Variants in PDE7A observed in about 807,000 individuals in gnomAD.
PDE7A encodes high affinity 3',5'-cyclic-AMP phosphodiesterase 7A.
A neutral mutation model predicts 64.3 loss-of-function variants in PDE7A; 39 were observed. The observed-to-expected ratio is 0.61, with a 90% CI of 0.47 to 0.79. PDE7A has a LOEUF of 0.79. PDE7A is among the 30% of genes least tolerant of loss of function. The probability of loss-of-function intolerance (pLI) is 0.00; values close to 1 mark genes in which losing one functional copy is unlikely to be tolerated. For synonymous variants in PDE7A, 203 were observed against 206.8 expected (o/e 0.98, Z 0.16); for missense variants, 470 against 582.8 (o/e 0.81, Z 1.99).
In PDE7A at chr8:65,786,088, A is replaced by G. The variant is rs969342817; in HGVS notation, c.139-3245T>C. On this transcript the variant is annotated intron_variant, in intron 1 of 12. Transcript: ENST00000401827. The stretch of plus-strand genomic sequence containing the variant: ...GCACTAATTTAGATATTAAAATGGT[A>G]GGGTCTGTATTAATCTTAATTTCTT... Among the ~76,000 whole-genome samples, 6 of 152,322 alleles carry G rather than the reference A, an allele frequency of 3.9e-5. No individual in the cohort carries two copies. In the East Asian group the frequency reaches 1.2e-3, roughly 29 times the overall value.
At chr8:65,750,776 C>T (rs1462819042) in intron 3 of PDE7A, among the ~76,000 whole-genome samples, 1 of 152,042 alleles carries the variant, frequency 6.6e-6, no homozygotes, top group African/African-American at 2.4e-5. Context: ...CAAGTCATAA[C>T]CTTCTGATAT....
At chr8:65,778,423 G>A (rs1293768681) in intron 3 of PDE7A, among the ~76,000 whole-genome samples, 1 of 152,052 alleles carries the variant, frequency 6.6e-6, no homozygotes, top group Non-Finnish European at 1.5e-5. Context: ...ATGGACCAAG[G>A]CCCTGGACAT....
At chr8:65,736,140 T>C (rs868117501) in intron 6 of PDE7A, among the ~76,000 whole-genome samples, 1 of 152,178 alleles carries the variant, frequency 6.6e-6, no homozygotes, top group African/African-American at 2.4e-5. Flanking sequence ...AGAACGATTA[T>C]AACAATAAGC....
chr8:65,739,427 T>C, intron 6 of PDE7A, 75 bp downstream of exon 6: 1 of 1,437,358 alleles, frequency 7.0e-7, no homozygotes, highest in East Asian at 2.7e-5. Flanking sequence ...CTAACCGATA[T>C]AACTGAGATA....
chr8:65,737,878 T>C (rs912784822), intron 6 of PDE7A, among the ~76,000 whole-genome samples: 4 of 152,234 alleles, frequency 2.6e-5, no homozygotes, highest in African/African-American at 4.8e-5. Flanking sequence ...AGTTCCACAG[T>C]TTTACCATTT....
At chr8:65,760,909 C>A (rs1480401271) in intron 3 of PDE7A, among the ~76,000 whole-genome samples, 1 of 143,168 alleles carries the variant, frequency 7.0e-6, no homozygotes, top group Admixed American at 6.9e-5. Flanking sequence ...GAATAATTAA[C>A]ATCATTTAGG....
intron 1 of PDE7A, among the ~76,000 whole-genome samples, chr8:65,797,038 A>C (rs978107189): frequency 1.3e-5 from 2 of 152,226 alleles, no homozygotes; most frequent in African/African-American, 4.8e-5. Flanking sequence ...ATATTAGTAA[A>C]AAATGATTGG....
rs897502252 is a variant in PDE7A, at chr8:65,717,529, C to T, written c.*1761G>A. 1 of 152,236 alleles carries T rather than the reference C, an allele frequency of 6.6e-6. No homozygotes were observed. The highest frequency in any genetic ancestry group is 1.5e-5 in the Non-Finnish European group (1 of 68,044). 9.4% of individuals were successfully genotyped at this position (152,236 alleles called of 1,614,324 possible). On this transcript the variant is annotated 3_prime_UTR_variant, in exon 13 of 13. Transcript: ENST00000401827. ...AGCCCTAACTGGGCTTCTGCTTACT[C>T]ACTTGCAAGGTGAGTCATTAGTAGA...
intron 4 of PDE7A, among the ~76,000 whole-genome samples, chr8:65,746,961 G>A (rs1013834707): frequency 4.3e-4 from 65 of 152,116 alleles, no homozygotes; most frequent in African/African-American, 1.5e-3. Flanking sequence ...AAAATACATT[G>A]GAAATTTAAT....
At chr8:65,788,342 C>G (rs1809614687) in intron 1 of PDE7A, among the ~76,000 whole-genome samples, 1 of 152,164 alleles carries the variant, frequency 6.6e-6, no homozygotes, top group African/African-American at 2.4e-5. Context: ...ATTTAGAATT[C>G]AACTTCAAAA....
chr8:65,839,284 A>G (rs1014479039), intron 1 of PDE7A, among the ~76,000 whole-genome samples: 1 of 151,918 alleles, frequency 6.6e-6, no homozygotes, highest in Non-Finnish European at 1.5e-5. Context: ...TAAACTTTTT[A>G]TAACTTCTGT....
chr8:65,742,321 C>T (rs1221584442), intron 5 of PDE7A, among the ~76,000 whole-genome samples: 3 of 152,208 alleles, frequency 2.0e-5, no homozygotes, highest in African/African-American at 7.2e-5. Flanking sequence ...CTAGTGTCCT[C>T]ATGAACCAGG....
intron 7 of PDE7A, 130 bp downstream of exon 7, chr8:65,734,664 G>C: frequency 3.2e-6 from 2 of 625,394 alleles, no homozygotes; most frequent in African/African-American, 1.8e-5. Context: ...ACTTGATCCA[G>C]CTAGATCTCA....
chr8:65,831,509 T>C, intron 1 of PDE7A, among the ~76,000 whole-genome samples: 1 of 152,166 alleles, frequency 6.6e-6, no homozygotes, highest in Non-Finnish European at 1.5e-5. Context: ...TGAAGATCTC[T>C]TCACCAGCTG....
At chr8:65,818,340 A>G (rs1045654737) in intron 1 of PDE7A, among the ~76,000 whole-genome samples, 1 of 152,146 alleles carries the variant, frequency 6.6e-6, no homozygotes, top group Admixed American at 6.5e-5. Context: ...CATTAAAGGT[A>G]GTGTTGCCAT....
Position 65,781,974 on chromosome 8 carries a change from A to T in PDE7A, c.199+809T>A, listed in dbSNP as rs193249784. ...AGATAAAATAAAGAGGACAAAAAGG[A>T]ATAGGAGTTACAATAGAACTCTGGG... On this transcript the variant is annotated intron_variant, in intron 2 of 12. Coordinates refer to ENST00000401827, the MANE Select transcript of PDE7A (RefSeq NM_001242318.3). Among the ~76,000 whole-genome samples, 278 of 152,298 alleles carry T rather than the reference A, an allele frequency of 1.8e-3. 2 individuals carry two copies. The highest frequency in any genetic ancestry group is 7.5e-4 in the Non-Finnish European group (51 of 68,022).
intron 3 of PDE7A, among the ~76,000 whole-genome samples, chr8:65,777,838 T>C (rs950393428): frequency 6.6e-6 from 1 of 152,204 alleles, no homozygotes; most frequent in African/African-American, 2.4e-5. Flanking sequence ...GTCTTTGATT[T>C]TGGTTTTCAT....
chr8:65,731,966 A>ATAT (rs137999443), intron 7 of PDE7A, among the ~76,000 whole-genome samples: 5,000 of 151,146 alleles, frequency 0.033, 94 homozygotes, highest in African/African-American at 0.043. Context: ...GTCATTCTCT[A>ATAT]TATTATTATT....
chr8:65,790,621 A>G (rs146184325), intron 1 of PDE7A, among the ~76,000 whole-genome samples: 122 of 152,372 alleles, frequency 8.0e-4, no homozygotes, highest in African/African-American at 2.8e-3. Flanking sequence ...AATGAAGTGC[A>G]AATTAAATTT....
Sources: allele counts gnomAD v4.1 joint callset (sites outside exome capture counted in the v4.1 genomes callset), GRCh38; gene constraint gnomAD v4.1.1; transcripts MANE v1.5; gene names NCBI Gene and HGNC (gene_info 2026-07-23, HGNC 2026-07-21).